PPP2R2B: variants seen among roughly 807,000 people sequenced by gnomAD.
The protein encoded by PPP2R2B is protein phosphatase 2 regulatory subunit Bbeta.
A neutral mutation model predicts 46.0 loss-of-function variants in PPP2R2B; 5 were observed. The ratio of observed to expected loss-of-function variants is 0.11; its 90% CI spans 0.06 to 0.23. The LOEUF (loss-of-function observed/expected upper bound fraction) is 0.23, where lower values mean the gene tolerates loss of function less well. Ranked by LOEUF, PPP2R2B falls within the 10% of genes least tolerant of loss-of-function variation. The pLI, the probability that PPP2R2B is intolerant of heterozygous loss-of-function variation, is 1.00. For synonymous variants in PPP2R2B, 215 were observed against 206.7 expected (o/e 1.04, Z -0.34); for missense variants, 367 against 575.0 (o/e 0.64, Z 3.70).
intron 2 of PPP2R2B, among the ~76,000 whole-genome samples, chr5:146,778,544 G>A (rs1034015938): frequency 6.6e-6 from 1 of 152,156 alleles, no homozygotes; most frequent in African/African-American, 2.4e-5. Context: ...CCTAGGGACT[G>A]TGTCTTATTC....
At chr5:146,970,001 C>T (rs576089133) in intron 1 of PPP2R2B, among the ~76,000 whole-genome samples, 5 of 152,252 alleles carry the variant, frequency 3.3e-5, no homozygotes, top group East Asian at 3.9e-4. Context: ...ACCAAAGCCA[C>T]GTGTATGGAT....
intron 2 of PPP2R2B, among the ~76,000 whole-genome samples, chr5:146,802,451 A>G (rs570310696): frequency 2.6e-5 from 4 of 152,334 alleles, no homozygotes; most frequent in Admixed American, 2.0e-4. Flanking sequence ...AGAATTAGTA[A>G]GTGCTCCTGA....
intron 5 of PPP2R2B, among the ~76,000 whole-genome samples, chr5:146,689,339 T>C (rs1290812609): frequency 6.6e-6 from 1 of 152,222 alleles, no homozygotes; most frequent in Non-Finnish European, 1.5e-5. Flanking sequence ...GATGTTTTGG[T>C]CAATAACACT....
At chr5:147,073,585 T>G in intron 2 of PPP2R2B, among the ~76,000 whole-genome samples, 1 of 152,304 alleles carries the variant, frequency 6.6e-6, no homozygotes, top group South Asian at 2.1e-4. Flanking sequence ...GGCAGAGAAC[T>G]TGGCTGCACA....
intron 1 of PPP2R2B, among the ~76,000 whole-genome samples, chr5:146,932,131 C>T (rs1763989360): frequency 6.6e-6 from 1 of 152,206 alleles, no homozygotes; most frequent in African/African-American, 2.4e-5. Context: ...ACAAACATCA[C>T]TCCCTTTTAT....
chr5:146,934,071 A>C (rs13174372), intron 1 of PPP2R2B, among the ~76,000 whole-genome samples: 2,250 of 151,952 alleles, frequency 0.015, 58 homozygotes, highest in East Asian at 0.067. Flanking sequence ...TTTCTTAATC[A>C]AGTCTATCAT....
At chr5:146,696,383 C>G (rs996097439) in intron 4 of PPP2R2B, among the ~76,000 whole-genome samples, 6 of 152,250 alleles carry the variant, frequency 3.9e-5, no homozygotes, top group Admixed American at 2.0e-4. Context: ...GGATTACAGG[C>G]GTGAGCCACC....
chr5:147,062,742 G>C (rs547280751), intron 2 of PPP2R2B, among the ~76,000 whole-genome samples: 3 of 151,928 alleles, frequency 2.0e-5, no homozygotes, highest in South Asian at 4.2e-4. Flanking sequence ...GGAACTTGTG[G>C]GTATTTGATT....
In PPP2R2B at chr5:146,762,954, A is replaced by T. The variant is rs145217449; in HGVS notation, c.71-61812T>A. On this transcript the variant is annotated intron_variant, in intron 2 of 9. Transcript: ENST00000394411. ...TGACTACGGTCACTTTGAGTTCTCT[A>T]GTTGAGCCTCTGTCATTTGGCTAAT... 8.5e-5 allele frequency among the ~76,000 whole-genome samples: 13 copies of T among 152,306 alleles called. No homozygotes were observed. In the East Asian group the frequency reaches 2.5e-3, roughly 29 times the overall value.
At chr5:146,602,191 A>G (rs1771852152) in intron 7 of PPP2R2B, among the ~76,000 whole-genome samples, 1 of 152,110 alleles carries the variant, frequency 6.6e-6, no homozygotes, top group South Asian at 2.1e-4. Flanking sequence ...ACTCTCTTAC[A>G]ATGGAACTAT....
intron 2 of PPP2R2B, among the ~76,000 whole-genome samples, chr5:146,830,367 T>C (rs150699271): frequency 5.1e-4 from 78 of 152,310 alleles, no homozygotes; most frequent in African/African-American, 1.8e-3. Flanking sequence ...CGTAGTCATA[T>C]CCACTCAATA....
At chr5:146,678,687 C>T (rs1223459129) in intron 5 of PPP2R2B, among the ~76,000 whole-genome samples, 2 of 149,202 alleles carry the variant, frequency 1.3e-5, no homozygotes, top group African/African-American at 5.1e-5. Context: ...TAAGCAACTT[C>T]AGCAAAGTTT....
At chr5:146,763,223 C>A (rs747407189) in intron 2 of PPP2R2B, among the ~76,000 whole-genome samples, 4 of 152,136 alleles carry the variant, frequency 2.6e-5, no homozygotes, top group Non-Finnish European at 5.9e-5. Context: ...AGTAAGCAAA[C>A]ATGAAGGAGG....
At chr5:146,889,026 G>A (rs1762413585) in intron 1 of PPP2R2B, among the ~76,000 whole-genome samples, 1 of 152,210 alleles carries the variant, frequency 6.6e-6, no homozygotes, top group Admixed American at 6.5e-5. Context: ...TCCAGGGAGA[G>A]AGAAACGATT....
intron 7 of PPP2R2B, among the ~76,000 whole-genome samples, chr5:146,603,596 G>T (rs1037455666): frequency 6.6e-6 from 1 of 152,164 alleles, no homozygotes; most frequent in Non-Finnish European, 1.5e-5. Flanking sequence ...ACAGCACTTT[G>T]TAGTTCATGA....
chr5:146,625,676 G>C (rs960635305), intron 7 of PPP2R2B, among the ~76,000 whole-genome samples: 10 of 152,152 alleles, frequency 6.6e-5, no homozygotes, highest in African/African-American at 2.4e-4. Context: ...CCTGAAGAAT[G>C]TGTAGGCAGA....
chr5:146,680,629 A>G (rs1778105789), intron 5 of PPP2R2B, among the ~76,000 whole-genome samples: 1 of 152,210 alleles, frequency 6.6e-6, no homozygotes, highest in African/African-American at 2.4e-5. Flanking sequence ...AATTTGCTTA[A>G]CTGTGTTTAA....
chr5:146,925,829 G>A (rs1273899411), intron 1 of PPP2R2B, among the ~76,000 whole-genome samples: 18 of 151,930 alleles, frequency 1.2e-4, no homozygotes, highest in Admixed American at 1.2e-3. Context: ...TAATTTTACT[G>A]CAGTCTGTTT....
intron 2 of PPP2R2B, among the ~76,000 whole-genome samples, chr5:146,703,962 C>G (rs1329082905): frequency 6.6e-6 from 1 of 152,176 alleles, no homozygotes; most frequent in East Asian, 1.9e-4. Flanking sequence ...TTCTACTAGC[C>G]AGCTGCTCTG....
Sources: gnomAD v4.1 joint callset for allele counts (sites outside exome capture counted in the v4.1 genomes callset) on GRCh38, gnomAD v4.1.1 for gene constraint, MANE v1.5 for transcripts, NCBI Gene and HGNC (gene_info 2026-07-23, HGNC 2026-07-21) for gene names.